Variants in COL21A1 observed in about 807,000 individuals in gnomAD.
The protein encoded by COL21A1 is collagen alpha-1(XXI) chain.
COL21A1 carries 149 observed loss-of-function variants against 137.9 expected under a neutral mutation model. The ratio of observed to expected loss-of-function variants is 1.08; its 90% CI spans 0.95 to 1.24. COL21A1 has a LOEUF of 1.24. Ranked by LOEUF, COL21A1 falls within the 50% of genes most tolerant of loss-of-function variation. COL21A1 has a pLI of 0.00. For missense variants in COL21A1, 1,167 were observed against 1,158.4 expected, an observed-to-expected ratio of 1.01 and a Z score of -0.11; for synonymous variants, 456 against 391.5, an observed-to-expected ratio of 1.16 and a Z score of -1.95.
chr6:56,204,138 G>A (rs887907737), intron 1 of COL21A1, among the ~76,000 whole-genome samples: 2 of 151,952 alleles, frequency 1.3e-5, no homozygotes, highest in South Asian at 2.1e-4. Context: ...AGACAGAATC[G>A]TTCACTCCCC....
chr6:56,317,517 C>A (rs950196922), intron 1 of COL21A1, among the ~76,000 whole-genome samples: 1 of 152,084 alleles, frequency 6.6e-6, no homozygotes, highest in Non-Finnish European at 1.5e-5. Flanking sequence ...ATTTCAAAAT[C>A]ATGTAGATGA....
intron 1 of COL21A1, among the ~76,000 whole-genome samples, chr6:56,337,038 C>G (rs1765343243): frequency 6.6e-6 from 1 of 152,160 alleles, no homozygotes; most frequent in African/African-American, 2.4e-5. Flanking sequence ...GCTCTTAGCT[C>G]AGACCTTAGC....
chr6:56,135,742 A>G (rs1773948720), intron 12 of COL21A1, among the ~76,000 whole-genome samples: 1 of 152,216 alleles, frequency 6.6e-6, no homozygotes, highest in African/African-American at 2.4e-5. Flanking sequence ...TTTGATAAAA[A>G]CAGTCCCTAC....
At chr6:56,172,163 C>T (rs961227215) in intron 3 of COL21A1, among the ~76,000 whole-genome samples, 5 of 151,394 alleles carry the variant, frequency 3.3e-5, no homozygotes, top group Admixed American at 2.0e-4. Context: ...GATATGGATA[C>T]TCGAATTCAA....
At chr6:56,127,646 A>C (rs530871427) in intron 12 of COL21A1, among the ~76,000 whole-genome samples, 2 of 152,334 alleles carry the variant, frequency 1.3e-5, no homozygotes, top group African/African-American at 4.8e-5. Context: ...TTTTTAAATC[A>C]GACGTTTGAA....
At chr6:56,350,155 T>C (rs16887829) in intron 1 of COL21A1, among the ~76,000 whole-genome samples, 2,934 of 152,276 alleles carry the variant, frequency 0.019, 97 homozygotes, top group African/African-American at 0.065. Context: ...AGGAATCTAA[T>C]TGACCAGCTA....
chr6:56,139,541 G>GA (rs1382519335), intron 12 of COL21A1, among the ~76,000 whole-genome samples: 2 of 152,076 alleles, frequency 1.3e-5, no homozygotes, highest in African/African-American at 4.8e-5. Context: ...GGTGTTATCA[G>GA]AAAATCACAT....
At chr6:56,191,148 A>G (rs1302483100) in intron 1 of COL21A1, among the ~76,000 whole-genome samples, 1 of 152,182 alleles carries the variant, frequency 6.6e-6, no homozygotes, top group Non-Finnish European at 1.5e-5. Flanking sequence ...TCAAATAGGA[A>G]GAGAGGAAGT....
chr6:56,218,326 A>T (rs1037635427), intron 1 of COL21A1, among the ~76,000 whole-genome samples: 1 of 151,864 alleles, frequency 6.6e-6, no homozygotes. Context: ...AAAACAACAG[A>T]ATTCATGAAA....
chr6:56,240,495 A>G (rs191820327), intron 1 of COL21A1, among the ~76,000 whole-genome samples: 1 of 152,326 alleles, frequency 6.6e-6, no homozygotes, highest in African/African-American at 2.4e-5. Flanking sequence ...GAACTGAGAT[A>G]TACCTCAATA....
At chr6:56,136,809 G>T (rs547430209) in intron 12 of COL21A1, among the ~76,000 whole-genome samples, 2 of 152,112 alleles carry the variant, frequency 1.3e-5, no homozygotes, top group African/African-American at 4.8e-5. Context: ...CAATTTAAAG[G>T]TTTGATGACC....
chr6:56,104,346 G>A (rs890107549), intron 16 of COL21A1, among the ~76,000 whole-genome samples: 3 of 152,122 alleles, frequency 2.0e-5, no homozygotes, highest in Non-Finnish European at 2.9e-5. Flanking sequence ...GGACAATTAT[G>A]CAGTTAGTTA....
chr6:56,129,850 G>A (rs1475607796), intron 12 of COL21A1, among the ~76,000 whole-genome samples: 1 of 148,986 alleles, frequency 6.7e-6, no homozygotes, highest in Non-Finnish European at 1.5e-5. Context: ...TAAATTTTAG[G>A]GGAAGACCAA....
At chr6:56,148,122 T>C (rs1242208243) in intron 10 of COL21A1, among the ~76,000 whole-genome samples, 3 of 152,166 alleles carry the variant, frequency 2.0e-5, no homozygotes, top group Non-Finnish European at 4.4e-5. Context: ...TCAATACAGT[T>C]GTCATATATC....
intron 1 of COL21A1, among the ~76,000 whole-genome samples, chr6:56,346,842 A>T (rs1765607897): frequency 6.6e-6 from 1 of 152,102 alleles, no homozygotes; most frequent in South Asian, 2.1e-4. Context: ...TTCAGGCAAA[A>T]AACAATGTTC....
At chr6:56,311,815 T>A (rs1764622820) in intron 1 of COL21A1, among the ~76,000 whole-genome samples, 1 of 152,180 alleles carries the variant, frequency 6.6e-6, no homozygotes, top group Non-Finnish European at 1.5e-5. Flanking sequence ...TACAGAATGA[T>A]CCTTGCAATG....
intron 1 of COL21A1, among the ~76,000 whole-genome samples, chr6:56,359,442 C>G (rs1765915896): frequency 6.6e-6 from 1 of 152,136 alleles, no homozygotes. Context: ...CCTCACAATA[C>G]CTTTCTTCAA....
At chr6:56,139,461 TCACACACATGCACACTTGTGCA>T (rs1196954983) in intron 12 of COL21A1, among the ~76,000 whole-genome samples, 4 of 150,510 alleles carry the variant, frequency 2.7e-5, no homozygotes, top group Admixed American at 6.7e-5. Context: ...CCCCCAAATC[TCACACACATGCACACTTGTGCA>T]CACACACTTG....
chr6:56,340,056 G>GA (rs5876502), intron 1 of COL21A1, among the ~76,000 whole-genome samples: 17 of 151,752 alleles, frequency 1.1e-4, no homozygotes, highest in African/African-American at 3.9e-4. Flanking sequence ...CCCCAGAGAG[G>GA]AAAAAAAACG....
Sources: gnomAD v4.1 joint callset for allele counts (sites outside exome capture counted in the v4.1 genomes callset) on GRCh38, gnomAD v4.1.1 for gene constraint, MANE v1.5 for transcripts, NCBI Gene and HGNC (gene_info 2026-07-23, HGNC 2026-07-21) for gene names.